Variants in SLC15A5 observed in about 807,000 individuals in gnomAD.
The protein encoded by SLC15A5 is Peptide/histidine transporter ENSP00000340402.
In SLC15A5, 58 loss-of-function variants were observed where a neutral mutation model predicts 56.1. The ratio of observed to expected loss-of-function variants is 1.03; its 90% CI spans 0.84 to 1.29. SLC15A5 has a LOEUF of 1.29. Among genes scored for constraint, SLC15A5 ranks in the 50% most tolerant of loss-of-function variants. The probability of loss-of-function intolerance (pLI) is 0.00; values close to 1 mark genes in which losing one functional copy is unlikely to be tolerated. For missense variants in SLC15A5, 681 were observed against 672.1 expected, an observed-to-expected ratio of 1.01 and a Z score of -0.15; for synonymous variants, 264 against 250.5, an observed-to-expected ratio of 1.05 and a Z score of -0.51.
At chr12:16,262,645 T>A (rs1382602376) in intron 2 of SLC15A5, among the ~76,000 whole-genome samples, 1 of 152,124 alleles carries the variant, frequency 6.6e-6, no homozygotes, top group African/African-American at 2.4e-5. Context: ...ACATAGTGAG[T>A]GATATGGTTT....
At chr12:16,211,784 G>A (rs1332541611) in intron 7 of SLC15A5, among the ~76,000 whole-genome samples, 2 of 152,126 alleles carry the variant, frequency 1.3e-5, no homozygotes, top group Non-Finnish European at 2.9e-5. Flanking sequence ...CTCCTTTAAA[G>A]CACTCAGAGT....
At chr12:16,255,243 C>A (rs1219463115) in intron 3 of SLC15A5, among the ~76,000 whole-genome samples, 2 of 151,756 alleles carry the variant, frequency 1.3e-5, no homozygotes, top group African/African-American at 4.8e-5. Flanking sequence ...TGTTTTTTTA[C>A]CACAATAAAT....
intron 5 of SLC15A5, among the ~76,000 whole-genome samples, chr12:16,236,888 G>A (rs1311926113): frequency 6.6e-6 from 1 of 152,138 alleles, no homozygotes; most frequent in African/African-American, 2.4e-5. Flanking sequence ...TAACAGCTAC[G>A]TTTAGCCGCT....
intron 5 of SLC15A5, among the ~76,000 whole-genome samples, chr12:16,234,370 A>G (rs575630030): frequency 1.3e-5 from 2 of 152,194 alleles, no homozygotes; most frequent in Non-Finnish European, 2.9e-5. Flanking sequence ...GGCAAAGCAT[A>G]TTTTAGAGTA....
At chr12:16,191,303 AT>A (rs1461040027) in intron 8 of SLC15A5, among the ~76,000 whole-genome samples, 2 of 152,046 alleles carry the variant, frequency 1.3e-5, no homozygotes, top group Non-Finnish European at 2.9e-5. Flanking sequence ...TATCAGACTA[AT>A]ATGAACTTGG....
At chr12:16,204,214 G>T (rs1391575257) in intron 7 of SLC15A5, among the ~76,000 whole-genome samples, 2 of 152,104 alleles carry the variant, frequency 1.3e-5, no homozygotes, top group Non-Finnish European at 2.9e-5. Context: ...CCAGCACTTT[G>T]GGAAGCCAAA....
chr12:16,255,169 A>G (rs148544640), intron 3 of SLC15A5, among the ~76,000 whole-genome samples: 2 of 152,276 alleles, frequency 1.3e-5, no homozygotes, highest in East Asian at 1.9e-4. Flanking sequence ...GCCTGAGCTG[A>G]AAATTACATG....
chr12:16,250,202 TA>T (rs1187206310), intron 3 of SLC15A5, among the ~76,000 whole-genome samples: 1 of 151,988 alleles, frequency 6.6e-6, no homozygotes, highest in African/African-American at 2.4e-5. Context: ...AGCTTAACAA[TA>T]ACAAACACTG....
At chr12:16,192,600 T>G (rs1050040068) in intron 8 of SLC15A5, among the ~76,000 whole-genome samples, 6 of 152,202 alleles carry the variant, frequency 3.9e-5, no homozygotes, top group Admixed American at 2.0e-4. Flanking sequence ...TGTTCAACTC[T>G]ATTTCTCTAT....
intron 3 of SLC15A5, among the ~76,000 whole-genome samples, chr12:16,245,715 A>G (rs895592094): frequency 3.3e-5 from 5 of 152,226 alleles, no homozygotes; most frequent in Admixed American, 2.6e-4. Flanking sequence ...GGTAAATGGC[A>G]TAATAAATGT....
intron 3 of SLC15A5, among the ~76,000 whole-genome samples, chr12:16,256,728 G>A (rs796872022): frequency 3.8e-4 from 57 of 151,854 alleles, no homozygotes; most frequent in African/African-American, 1.4e-3. Context: ...GCGTGGTGGC[G>A]GGCACCTGTA....
rs1457130827 is a variant in SLC15A5, at chr12:16,224,609, G to A, written c.1163-7C>T. The A allele has an allele frequency of 3.3e-6, 5 of 1,523,520 alleles. No homozygotes were observed. Among genetic ancestry groups the A allele is most frequent in the African/African-American group, 2.8e-5 (2 of 72,354 alleles). The allele number at this position is 1,523,520 out of a possible 1,614,324, so 94.4% of individuals were successfully genotyped here. On this transcript the variant is annotated splice_polypyrimidine_tract_variant and splice_region_variant and intron_variant, in intron 5 of 8. Coordinates refer to ENST00000344941, the MANE Select transcript of SLC15A5 (RefSeq NM_001170798.1). Reference sequence around the variant, plus strand: ...GCAAAAAGATTTCCAGCAACTGAAGGAAAATAATGCAAAAGAAAAAAAAGT... The same window carrying A: ...GCAAAAAGATTTCCAGCAACTGAAGAAAAATAATGCAAAAGAAAAAAAAGT...
chr12:16,226,696 A>G (rs1392379845), intron 5 of SLC15A5, among the ~76,000 whole-genome samples: 2 of 152,162 alleles, frequency 1.3e-5, no homozygotes, highest in Non-Finnish European at 2.9e-5. Context: ...AATGCCAACA[A>G]TTATAGTGGT....
chr12:16,259,501 G>T (rs955451232), intron 2 of SLC15A5, among the ~76,000 whole-genome samples: 3 of 151,964 alleles, frequency 2.0e-5, no homozygotes, highest in African/African-American at 7.3e-5. Flanking sequence ...AACTGGCTAT[G>T]GAAAGGGAAT....
Position 16,237,526 on chromosome 12 carries a change from T to C in SLC15A5, c.1162+2155A>G, listed in dbSNP as rs1864363710. 6.6e-6 allele frequency among the ~76,000 whole-genome samples: 1 copy of C among 152,172 alleles called. No individual in the cohort carries two copies. On this transcript the variant is annotated intron_variant, in intron 5 of 8. Coordinates refer to ENST00000344941, the MANE Select transcript of SLC15A5 (RefSeq NM_001170798.1). This position sits in a 1 kb window ranked among gnomAD's most constrained non-coding sequence, Gnocchi z 4.1. The stretch of plus-strand genomic sequence containing the variant: ...AATTCATTAACAACATCAAACAATA[T>C]ACTAAATAACTCTGTCTAACTTTTC...
At chr12:16,225,949 A>G (rs1864237189) in intron 5 of SLC15A5, among the ~76,000 whole-genome samples, 1 of 152,142 alleles carries the variant, frequency 6.6e-6, no homozygotes, top group Admixed American at 6.5e-5. Flanking sequence ...CTTCCTACAT[A>G]TAGAACCTCA....
intron 6 of SLC15A5, among the ~76,000 whole-genome samples, chr12:16,222,262 G>C (rs1864195126): frequency 6.6e-6 from 1 of 152,158 alleles, no homozygotes; most frequent in African/African-American, 2.4e-5. Flanking sequence ...CAACGTCACA[G>C]AGTTAGTCAG....
intron 3 of SLC15A5, among the ~76,000 whole-genome samples, 195 bp from the exon 4 acceptor site, chr12:16,244,995 C>T (rs1438906229): frequency 3.9e-5 from 6 of 152,058 alleles, no homozygotes; most frequent in East Asian, 1.9e-4. Context: ...CATGGTGGCA[C>T]CTAGCAGTTG....
intron 7 of SLC15A5, among the ~76,000 whole-genome samples, chr12:16,210,602 A>G (rs1459498386): frequency 2.0e-5 from 3 of 152,188 alleles, no homozygotes; most frequent in Non-Finnish European, 4.4e-5. Flanking sequence ...TTGAAAGGTA[A>G]GTCACTAGTG....
Sources: gnomAD v4.1 joint callset for allele counts (sites outside exome capture counted in the v4.1 genomes callset) on GRCh38, gnomAD v4.1.1 for gene constraint, Gnocchi (gnomAD v3.1) non-coding constraint, MANE v1.5 for transcripts, NCBI Gene and HGNC (gene_info 2026-07-23, HGNC 2026-07-21) for gene names.